PRUNE2: variants seen among roughly 807,000 people sequenced by gnomAD.
PRUNE2 encodes the protein prune homolog 2 with BCH domain, also known as protein prune homolog 2.
PRUNE2 carries 164 observed loss-of-function variants against 252.0 expected under a neutral mutation model. That is an observed-to-expected ratio of 0.65 (90% CI 0.57 to 0.74). The LOEUF (loss-of-function observed/expected upper bound fraction) is 0.74, where lower values mean the gene tolerates loss of function less well. PRUNE2 is among the 30% of genes least tolerant of loss of function. The pLI is 0.00. For synonymous variants in PRUNE2, 1,292 were observed against 1,350.2 expected, an observed-to-expected ratio of 0.96 and a Z score of 0.94; for missense variants, 3,495 against 3,711.0, an observed-to-expected ratio of 0.94 and a Z score of 1.51.
At chr9:76,677,417 T>A (rs1801525493) in intron 9 of PRUNE2, among the ~76,000 whole-genome samples, 1 of 152,228 alleles carries the variant, frequency 6.6e-6, no homozygotes, top group Non-Finnish European at 1.5e-5. Context: ...TAGGATCCCT[T>A]TAAGGCATTG....
At chr9:76,895,652 A>G (rs1046296057) in intron 1 of PRUNE2, among the ~76,000 whole-genome samples, 1 of 152,202 alleles carries the variant, frequency 6.6e-6, no homozygotes, top group African/African-American at 2.4e-5. Flanking sequence ...GGTCATTACT[A>G]TGAGCATCAG....
At chr9:76,686,500 G>A (rs1179492621) in intron 9 of PRUNE2, among the ~76,000 whole-genome samples, 1 of 152,110 alleles carries the variant, frequency 6.6e-6, no homozygotes, top group Non-Finnish European at 1.5e-5. Context: ...CTGTCACCCA[G>A]GCAGGAGTGC....
chr9:76,652,507 C>T lies in PRUNE2; in HGVS notation c.8533G>A (p.Asp2845Asn), dbSNP rs1184062021. The change falls in exon 11 of 19, where the codon GAT (aspartate) becomes AAT (asparagine). Residue 2845 changes from aspartate to asparagine, a missense_variant. Asp to Asn is a conservative substitution (Grantham distance 23). Coordinates refer to ENST00000376718, the MANE Select transcript of PRUNE2 (RefSeq NM_015225.3). ...VDELDTPDEA[D>N]SFEYTGHDPT... Reference sequence around the variant, plus strand: ...CCATGGCCAGTGTACTCAAAAGAATCTGCTTCATCGGGGGTATCAAGTTCA... The same window carrying T: ...CCATGGCCAGTGTACTCAAAAGAATTTGCTTCATCGGGGGTATCAAGTTCA... 6.2e-7 allele frequency: 1 copy of T among 1,613,264 alleles called. No individual in the cohort carries two copies. The highest frequency in any genetic ancestry group is 2.2e-5 in the East Asian group (1 of 44,874).
intron 6 of PRUNE2, among the ~76,000 whole-genome samples, chr9:76,742,051 C>T (rs1484220864): frequency 3.3e-5 from 5 of 151,966 alleles, no homozygotes; most frequent in Non-Finnish European, 7.4e-5. Flanking sequence ...GAGATCTAAA[C>T]GTAAAAATGT....
At chr9:76,813,067 T>C (rs1356874515) in intron 6 of PRUNE2, among the ~76,000 whole-genome samples, 1 of 152,230 alleles carries the variant, frequency 6.6e-6, no homozygotes, top group African/African-American at 2.4e-5. Context: ...GGCTATATAA[T>C]GATATACTTC....
intron 6 of PRUNE2, among the ~76,000 whole-genome samples, chr9:76,797,612 G>T (rs887820118): frequency 2.0e-5 from 3 of 152,080 alleles, no homozygotes; most frequent in Admixed American, 6.5e-5. Context: ...GTGAAATGTG[G>T]TTTCCTTTGC....
At chr9:76,639,504 A>T (rs1047681222) in intron 12 of PRUNE2, among the ~76,000 whole-genome samples, 2 of 152,058 alleles carry the variant, frequency 1.3e-5, no homozygotes, top group Non-Finnish European at 2.9e-5. Flanking sequence ...AAAACAAACA[A>T]CAAAAAAACT....
At chr9:76,646,800 C>G (rs1438231450) in intron 11 of PRUNE2, among the ~76,000 whole-genome samples, 2 of 152,172 alleles carry the variant, frequency 1.3e-5, no homozygotes, top group Non-Finnish European at 2.9e-5. Flanking sequence ...TTGGTACCCT[C>G]TGACCTGCTC....
At chr9:76,697,655 C>G (rs1387854748) in intron 9 of PRUNE2, among the ~76,000 whole-genome samples, 5 of 152,186 alleles carry the variant, frequency 3.3e-5, no homozygotes, top group Non-Finnish European at 7.3e-5. Context: ...AAAACATCAA[C>G]CTATAGAAGC....
chr9:76,850,227 A>T lies in PRUNE2; in HGVS notation c.344+236T>A, dbSNP rs548126407. 4.6e-5 allele frequency among the ~76,000 whole-genome samples: 7 copies of T among 152,194 alleles called. No homozygotes were observed. In the East Asian group the frequency reaches 1.4e-3, roughly 30 times the overall value. On this transcript the variant is annotated intron_variant, in intron 3 of 18. Transcript: ENST00000376718. The stretch of plus-strand genomic sequence containing the variant: ...CACCCTAGCTCATTTTCGTATTTTT[A>T]GTAGAGACAAGGTTTCACCATGTTG...
intron 1 of PRUNE2, among the ~76,000 whole-genome samples, chr9:76,881,019 T>G (rs949756975): frequency 1.1e-4 from 17 of 151,416 alleles, no homozygotes; most frequent in African/African-American, 3.6e-4. Context: ...GGAGTGCAGT[T>G]GTGTGGTCTA....
rs756782306 is a variant in PRUNE2, at chr9:76,623,298, ATT to A, written c.9188+1152_9188+1153del. ...GGAAACGAGAAAAGAGAATGACTGG[ATT>A]TTTTTTTTTTTTTGAGATGGAGTCT... On this transcript the variant is annotated intron_variant, in intron 17 of 18. Coordinates refer to ENST00000376718, the MANE Select transcript of PRUNE2 (RefSeq NM_015225.3). Among the ~76,000 whole-genome samples, 1,247 of 144,108 alleles carry A rather than the reference ATT, an allele frequency of 8.7e-3. 17 individuals are homozygous for A. Among genetic ancestry groups the A allele is most frequent in the African/African-American group, 0.028 (1,096 of 39,366 alleles). The allele number at this position is 144,108 out of a possible 152,430, so 94.5% of individuals were successfully genotyped here.
intron 1 of PRUNE2, among the ~76,000 whole-genome samples, chr9:76,880,087 G>C (rs1400024820): frequency 6.6e-6 from 1 of 151,144 alleles, no homozygotes; most frequent in Non-Finnish European, 1.5e-5. Flanking sequence ...CTAATTGTTT[G>C]TATTTTTAAT....
chr9:76,669,177 T>C (rs1017046707), intron 9 of PRUNE2, among the ~76,000 whole-genome samples: 2 of 151,932 alleles, frequency 1.3e-5, no homozygotes, highest in African/African-American at 4.8e-5. Flanking sequence ...ATGACTCAAA[T>C]CTACTACTGT....
chr9:76,890,993 C>T (rs1435927400), intron 1 of PRUNE2, among the ~76,000 whole-genome samples: 1 of 152,256 alleles, frequency 6.6e-6, no homozygotes, highest in Non-Finnish European at 1.5e-5. Flanking sequence ...GATGCATCTT[C>T]ATCTTTGCGC....
chr9:76,886,118 G>A (rs532394329), intron 1 of PRUNE2, among the ~76,000 whole-genome samples: 250 of 151,830 alleles, frequency 1.6e-3, no homozygotes, highest in African/African-American at 4.3e-3. Context: ...CCCAGGAGGC[G>A]GAGGTTGCAG....
chr9:76,845,744 T>G (rs1469921856), intron 4 of PRUNE2, among the ~76,000 whole-genome samples: 3 of 152,208 alleles, frequency 2.0e-5, no homozygotes, highest in African/African-American at 4.8e-5. Flanking sequence ...TTGAGAAAAT[T>G]CTCTGTCTAC....
In PRUNE2 at chr9:76,705,739, C is replaced by A. The variant is rs1463183870; in HGVS notation, c.6535G>T (p.Gly2179Cys). The change falls in exon 8 of 19, where the codon GGC becomes TGC. Residue 2179 changes from glycine to cysteine, a missense_variant. Transcript: ENST00000376718. ...TTATGAGAGGCGGGCTGAGAGGAGC[C>A]CTTTATGTCTGCTTGATAGCCAATT... The part of the protein sequence containing the change: ...PPIGYQADIK[G>C]SSQPASHKGS... 1 of 1,613,802 alleles carries A rather than the reference C, an allele frequency of 6.2e-7. No individual in the cohort carries two copies. Among genetic ancestry groups the A allele is most frequent in the Non-Finnish European group, 8.5e-7 (1 of 1,179,876 alleles).
chr9:76,802,025 A>G (rs1335219596), intron 6 of PRUNE2, among the ~76,000 whole-genome samples: 1 of 152,164 alleles, frequency 6.6e-6, no homozygotes, highest in Non-Finnish European at 1.5e-5. Flanking sequence ...AGGCAAATCT[A>G]ACATACTGAC....
Sources: allele counts gnomAD v4.1 joint callset (sites outside exome capture counted in the v4.1 genomes callset), GRCh38; gene constraint gnomAD v4.1.1; transcripts MANE v1.5; gene names NCBI Gene and HGNC (gene_info 2026-07-23, HGNC 2026-07-21).